EFTUD2: variants seen among roughly 807,000 people sequenced by gnomAD.
EFTUD2 encodes 116 kDa U5 small nuclear ribonucleoprotein component.
In EFTUD2, 9 loss-of-function variants were observed where a neutral mutation model predicts 114.3. That is an observed-to-expected ratio of 0.08 (90% CI 0.05 to 0.14). EFTUD2 has a LOEUF of 0.14. Ranked by LOEUF, EFTUD2 falls within the 10% of genes least tolerant of loss-of-function variation. EFTUD2 has a pLI of 1.00. For synonymous variants in EFTUD2, 449 were observed against 462.3 expected, an observed-to-expected ratio of 0.97 and a Z score of 0.37; for missense variants, 765 against 1,241.2, an observed-to-expected ratio of 0.62 and a Z score of 5.76.
chr17:44,857,581 T>G (rs2050579274), intron 19 of EFTUD2: 1 of 210,866 alleles, frequency 4.7e-6, no homozygotes, highest in Non-Finnish European at 9.8e-6. Flanking sequence ...AGCCCCAACA[T>G]GGTCTGCTGC....
At chr17:44,894,559 C>T in intron 1 of EFTUD2, 34 bp from the exon 2 acceptor site, 1 of 1,510,118 alleles carries the variant, frequency 6.6e-7, no homozygotes, top group Non-Finnish European at 9.2e-7. Context: ...TAGATTCTGA[C>T]AAGGTAATCA....
At chr17:44,855,746 C>T (rs1011341297) in intron 20 of EFTUD2, among the ~76,000 whole-genome samples, 10 of 151,676 alleles carry the variant, frequency 6.6e-5, no homozygotes, top group South Asian at 4.2e-4. Context: ...ATCAGGAGTT[C>T]GAGACCAGCC....
intron 15 of EFTUD2, 42 bp from the exon 16 acceptor site, chr17:44,862,948 T>G: frequency 6.5e-7 from 1 of 1,542,712 alleles, no homozygotes. Flanking sequence ...ACATCTATGC[T>G]CCGGGGAAGT....
chr17:44,868,194 G>A, intron 12 of EFTUD2, 93 bp downstream of exon 12: 1 of 1,114,256 alleles, frequency 9.0e-7, no homozygotes, highest in Non-Finnish European at 1.3e-6. Flanking sequence ...AAAAAAGTAG[G>A]TATTTAATCT....
At chr17:44,878,731 TG>T (rs1481148474) in intron 9 of EFTUD2, among the ~76,000 whole-genome samples, 5 of 152,196 alleles carry the variant, frequency 3.3e-5, no homozygotes, top group African/African-American at 1.2e-4. Flanking sequence ...TAAATGAGGG[TG>T]GGTTCTTTGA....
At chr17:44,887,029 A>G (rs1471077669) in intron 2 of EFTUD2, among the ~76,000 whole-genome samples, 3 of 152,220 alleles carry the variant, frequency 2.0e-5, no homozygotes, top group Non-Finnish European at 4.4e-5. Context: ...ATCACAGCAC[A>G]GCCCTTTACG....
intron 1 of EFTUD2, among the ~76,000 whole-genome samples, chr17:44,897,482 T>C (rs937345579): frequency 2.0e-5 from 3 of 152,186 alleles, no homozygotes; most frequent in African/African-American, 4.8e-5. Context: ...AGAGCAAGAG[T>C]TGACAAACTC....
chr17:44,891,423 C>T (rs893821136), intron 2 of EFTUD2, among the ~76,000 whole-genome samples: 7 of 152,212 alleles, frequency 4.6e-5, no homozygotes, highest in African/African-American at 1.7e-4. Context: ...GACCATAGCT[C>T]ACCACTACCT....
At position 44,859,084 on chromosome 17, in the gene EFTUD2, A is replaced by G; in HGVS notation, c.1958T>C (p.Ile653Thr). The change falls in exon 19 of 28, where the codon ATC becomes ACC. Residue 653 changes from isoleucine (I) to threonine (T), a missense_variant. Ile to Thr is a moderately conservative substitution (Grantham distance 89). Transcript: ENST00000426333. Reference protein sequence around the residue: ...DLRKMYSEIDIKVADPVVTFC... With the variant: ...DLRKMYSEIDTKVADPVVTFC... ...TCCCGGCAGATACTGCTGTACCTTG[A>G]TGTCTATCTCTGAGTACATCTTCCG... 1.2e-6 allele frequency: 2 copies of G among 1,608,468 alleles called. No homozygotes were observed. Among genetic ancestry groups the G allele is most frequent in the Non-Finnish European group, 1.7e-6 (2 of 1,174,862 alleles).
At chr17:44,874,768 T>G (rs1167873654) in intron 10 of EFTUD2, among the ~76,000 whole-genome samples, 3 of 152,246 alleles carry the variant, frequency 2.0e-5, no homozygotes, top group Non-Finnish European at 4.4e-5. Context: ...AGCAGGTATA[T>G]CCACAGAAAC....
At position 44,859,804 on chromosome 17, in the gene EFTUD2, C is replaced by A. The variant is rs1343172882; in HGVS notation, c.1860+101G>T. ...TGCTCCTGACACAGCTTCCTGTAAG[C>A]AGCAGATCATGAACACCTGATGGAT... On this transcript the variant is annotated intron_variant, in intron 18 of 27. Transcript: ENST00000426333. 13 of 1,570,998 alleles carry A rather than the reference C, an allele frequency of 8.3e-6. No individual in the cohort carries two copies. The South Asian group carries it at 1.4e-4, about 17-fold the overall frequency.
intron 9 of EFTUD2, among the ~76,000 whole-genome samples, chr17:44,878,616 GA>G (rs1354642894): frequency 1.3e-5 from 2 of 152,306 alleles, no homozygotes; most frequent in African/African-American, 2.4e-5. Flanking sequence ...CTTATTCTTA[GA>G]AAATACATTC....
intron 9 of EFTUD2, among the ~76,000 whole-genome samples, chr17:44,877,215 G>C (rs939958569): frequency 4.6e-5 from 7 of 151,028 alleles, no homozygotes; most frequent in African/African-American, 1.7e-4. Context: ...AAAAAAAAAA[G>C]CCAGAGCTCC....
chr17:44,862,573 C>G, intron 16 of EFTUD2, 140 bp downstream of exon 16: 2 of 729,424 alleles, frequency 2.7e-6, no homozygotes, highest in South Asian at 2.5e-5. Flanking sequence ...AGTCAATAGC[C>G]CTGCGGAGGG....
chr17:44,855,392 C>T (rs1293010907), intron 20 of EFTUD2, among the ~76,000 whole-genome samples: 2 of 152,170 alleles, frequency 1.3e-5, no homozygotes, highest in Admixed American at 6.5e-5. Context: ...GAAACCCCAT[C>T]TCTACTAAAA....
At chr17:44,876,439 G>A (rs939513818) in intron 9 of EFTUD2, among the ~76,000 whole-genome samples, 1 of 152,184 alleles carries the variant, frequency 6.6e-6, no homozygotes, top group Non-Finnish European at 1.5e-5. Context: ...TTTAATATAT[G>A]TGTGTAGAAA....
intron 5 of EFTUD2, 150 bp downstream of exon 5, chr17:44,883,499 C>T (rs1032774844): frequency 8.0e-6 from 6 of 747,734 alleles, no homozygotes; most frequent in Non-Finnish European, 1.4e-5. Flanking sequence ...CAGAATTTCA[C>T]AGTATGACTT....
chr17:44,851,134 T>G lies in EFTUD2; in HGVS notation c.*140A>C. On this transcript the variant is annotated 3_prime_UTR_variant, in exon 28 of 28. Coordinates refer to ENST00000426333, the MANE Select transcript of EFTUD2 (RefSeq NM_004247.4). The stretch of plus-strand genomic sequence containing the variant: ...TCTCACTGGGGCTCTGGGTTGGAGG[T>G]TGGTGAGTTGTTCAAGATGGCAACA... The G allele has an allele frequency of 1.4e-6, 1 of 697,518 alleles. No homozygotes were observed. Among genetic ancestry groups the G allele is most frequent in the Non-Finnish European group, 2.6e-6 (1 of 389,114 alleles). 43.2% of individuals were successfully genotyped at this position (697,518 alleles called of 1,614,324 possible).
At chr17:44,863,068 A>G in intron 15 of EFTUD2, 162 bp from the exon 16 acceptor site, 1 of 536,088 alleles carries the variant, frequency 1.9e-6, no homozygotes, top group South Asian at 3.9e-5. Flanking sequence ...CCCTCTGAGA[A>G]GGATGAATAG....
Sources: gnomAD v4.1 joint callset for allele counts (sites outside exome capture counted in the v4.1 genomes callset) on GRCh38, gnomAD v4.1.1 for gene constraint, MANE v1.5 for transcripts, NCBI Gene and HGNC (gene_info 2026-07-23, HGNC 2026-07-21) for gene names.